B4GALT5: variants seen among roughly 807,000 people sequenced by gnomAD.
The protein encoded by B4GALT5 is beta-1,4-galactosyltransferase 5, also known as UDP-Gal:beta-GlcNAc beta-1,4-galactosyltransferase 5.
Under a neutral mutation model 45.0 loss-of-function variants are expected in B4GALT5, and 11 were observed. The ratio of observed to expected loss-of-function variants is 0.24; its 90% CI spans 0.15 to 0.40. The LOEUF is 0.40. B4GALT5 is among the 10% of genes least tolerant of loss of function. The pLI, the probability that B4GALT5 is intolerant of heterozygous loss-of-function variation, is 1.00. For missense variants in B4GALT5, 337 were observed against 500.2 expected (o/e 0.67, Z 3.11); for synonymous variants, 185 against 182.9 (o/e 1.01, Z -0.09).
intron 1 of B4GALT5, among the ~76,000 whole-genome samples, chr20:49,676,623 T>C (rs2085738587): frequency 6.6e-6 from 1 of 152,224 alleles, no homozygotes. Context: ...CCATTGCTCT[T>C]GGCTACTGCG....
intron 1 of B4GALT5, among the ~76,000 whole-genome samples, chr20:49,663,690 A>AAAAAAAAAAAAAT (rs1555812124): frequency 1.0e-5 from 1 of 96,962 alleles, no homozygotes; most frequent in African/African-American, 4.5e-5. Context: ...AAAAAAAAAA[A>AAAAAAAAAAAAAT]ATATATACAT....
chr20:49,678,571 T>C (rs2085749647), intron 1 of B4GALT5, among the ~76,000 whole-genome samples: 1 of 152,174 alleles, frequency 6.6e-6, no homozygotes, highest in Non-Finnish European at 1.5e-5. Context: ...AGAAGCCTAC[T>C]AATGCATAAA....
At chr20:49,676,602 C>T (rs540195844) in intron 1 of B4GALT5, among the ~76,000 whole-genome samples, 5 of 152,344 alleles carry the variant, frequency 3.3e-5, no homozygotes, top group South Asian at 2.1e-4. Flanking sequence ...CTCTTCCTTC[C>T]GTAAGAAGGC....
chr20:49,648,893 T>C (rs559078048), intron 2 of B4GALT5, among the ~76,000 whole-genome samples: 55 of 152,362 alleles, frequency 3.6e-4, no homozygotes, highest in South Asian at 6.2e-4. Flanking sequence ...CCTTCCAGTA[T>C]ACTGTATTGT....
At chr20:49,652,341 T>C (rs2085625949) in intron 2 of B4GALT5, among the ~76,000 whole-genome samples, 1 of 144,978 alleles carries the variant, frequency 6.9e-6, no homozygotes, top group Non-Finnish European at 1.5e-5. Flanking sequence ...TCCCCTCCCA[T>C]TTGAGAAAAG....
intron 1 of B4GALT5, among the ~76,000 whole-genome samples, chr20:49,678,125 A>C (rs2085747531): frequency 6.6e-6 from 1 of 152,220 alleles, no homozygotes; most frequent in Non-Finnish European, 1.5e-5. Context: ...AACAAACTTT[A>C]TTTCTTCAGA....
intron 1 of B4GALT5, among the ~76,000 whole-genome samples, chr20:49,698,250 A>C (rs778795134): frequency 6.6e-6 from 1 of 152,032 alleles, no homozygotes; most frequent in African/African-American, 2.4e-5. Context: ...TTGAACCTGG[A>C]AAGTGGAGGT....
At chr20:49,708,979 C>A (rs1568737537) in intron 1 of B4GALT5, among the ~76,000 whole-genome samples, 1 of 151,874 alleles carries the variant, frequency 6.6e-6, no homozygotes, top group Non-Finnish European at 1.5e-5. Context: ...TACCCCTAAC[C>A]ATGCACAGGC....
intron 1 of B4GALT5, among the ~76,000 whole-genome samples, chr20:49,668,883 AC>A (rs1378414896): frequency 6.6e-6 from 1 of 151,844 alleles, no homozygotes; most frequent in Non-Finnish European, 1.5e-5. Flanking sequence ...TTTTTTTTAG[AC>A]AGTGTCTCGT....
At chr20:49,660,360 A>G (rs932063581) in intron 1 of B4GALT5, among the ~76,000 whole-genome samples, 13 of 152,202 alleles carry the variant, frequency 8.5e-5, no homozygotes, top group African/African-American at 2.7e-4. Flanking sequence ...AAATTCCCAG[A>G]AGAGAGATGT....
intron 5 of B4GALT5, 114 bp downstream of exon 5, chr20:49,642,354 C>T (rs919898659): frequency 3.6e-5 from 29 of 798,790 alleles, no homozygotes; most frequent in African/African-American, 1.9e-4. Context: ...TCAGGCAACT[C>T]GATCCTAAGA....
In B4GALT5 at chr20:49,682,527, C is replaced by T. The variant is rs1039431414; in HGVS notation, c.116-25825G>A. Among the ~76,000 whole-genome samples, 5 of 152,348 alleles carry T rather than the reference C, an allele frequency of 3.3e-5. No individual in the cohort carries two copies. The South Asian group carries it at 8.3e-4, about 25-fold the overall frequency. ...TCACCACAGGCCACTGACCCAACCA[C>T]TGTCTTGGCAGCGCTGCCCAGACAA... On this transcript the variant is annotated intron_variant, in intron 1 of 8. Transcript: ENST00000371711.
chr20:49,673,322 G>C (rs1180474594), intron 1 of B4GALT5, among the ~76,000 whole-genome samples: 1 of 151,944 alleles, frequency 6.6e-6, no homozygotes, highest in Non-Finnish European at 1.5e-5. Flanking sequence ...AGAGATTGCA[G>C]CAAGCCGAGA....
chr20:49,660,334 A>G (rs117394715), intron 1 of B4GALT5, among the ~76,000 whole-genome samples: 1,796 of 152,338 alleles, frequency 0.012, 15 homozygotes, highest in Non-Finnish European at 0.018. Context: ...ACAATGCACA[A>G]TAACTCAAGG....
chr20:49,712,430 C>G (rs1773659317), intron 1 of B4GALT5, among the ~76,000 whole-genome samples: 1 of 134,036 alleles, frequency 7.5e-6, no homozygotes, highest in South Asian at 2.7e-4. Flanking sequence ...AACTGGTGCC[C>G]TGTGGTCTTA....
intron 2 of B4GALT5, among the ~76,000 whole-genome samples, chr20:49,654,103 G>A (rs1254899037): frequency 6.6e-6 from 1 of 152,192 alleles, no homozygotes; most frequent in Non-Finnish European, 1.5e-5. Context: ...AATGTCATGA[G>A]GACACAAATG....
At chr20:49,660,497 TAATC>T (rs1275541503) in intron 1 of B4GALT5, among the ~76,000 whole-genome samples, 3 of 152,224 alleles carry the variant, frequency 2.0e-5, no homozygotes, top group East Asian at 1.9e-4. Flanking sequence ...CATGGTTAGG[TAATC>T]AATCAATCAA....
chr20:49,679,443 C>A (rs1328453782), intron 1 of B4GALT5, among the ~76,000 whole-genome samples: 1 of 151,476 alleles, frequency 6.6e-6, no homozygotes, highest in Admixed American at 6.6e-5. Flanking sequence ...CCGAGACAGG[C>A]GGATCATGAG....
chr20:49,667,129 C>A lies in B4GALT5; in HGVS notation c.116-10427G>T, dbSNP rs62207697. Among the ~76,000 whole-genome samples, 822 of 152,312 alleles carry A rather than the reference C, an allele frequency of 5.4e-3. 3 individuals are homozygous for A. Among genetic ancestry groups the A allele is most frequent in the Non-Finnish European group, 8.1e-3 (549 of 68,022 alleles). ...TTGTCTCCAGAGTCCAGATTTTTAA[C>A]AAACATGCTCTACTGCCTCTCAGAT... On this transcript the variant is annotated intron_variant, in intron 1 of 8. Transcript: ENST00000371711.
Sources: allele counts gnomAD v4.1 joint callset (sites outside exome capture counted in the v4.1 genomes callset), GRCh38; gene constraint gnomAD v4.1.1; transcripts MANE v1.5; gene names NCBI Gene and HGNC (gene_info 2026-07-23, HGNC 2026-07-21).